SPOCK1: variants seen among roughly 807,000 people sequenced by gnomAD.
SPOCK1 encodes the protein SPARC (osteonectin), cwcv and kazal like domains proteoglycan 1, also known as testican-1.
In SPOCK1, 23 loss-of-function variants were observed where a neutral mutation model predicts 55.3. The ratio of observed to expected loss-of-function variants is 0.42; its 90% CI spans 0.30 to 0.59. SPOCK1 has a LOEUF of 0.59. Ranked by LOEUF, SPOCK1 falls within the 20% of genes least tolerant of loss-of-function variation. The pLI is 0.22. For missense variants in SPOCK1, 499 were observed against 552.5 expected, an observed-to-expected ratio of 0.90 and a Z score of 0.97; for synonymous variants, 226 against 221.0, an observed-to-expected ratio of 1.02 and a Z score of -0.20.
intron 3 of SPOCK1, among the ~76,000 whole-genome samples, chr5:137,193,532 G>A (rs1332285909): frequency 1.3e-5 from 2 of 152,168 alleles, no homozygotes; most frequent in Admixed American, 6.5e-5. Context: ...CAAATTAAGT[G>A]AGATACAGAA....
intron 5 of SPOCK1, among the ~76,000 whole-genome samples, chr5:137,111,205 C>G (rs1328743098): frequency 6.6e-6 from 1 of 151,996 alleles, no homozygotes; most frequent in Non-Finnish European, 1.5e-5. Flanking sequence ...TCACAGAGAA[C>G]AGAAGTGGCC....
intron 4 of SPOCK1, among the ~76,000 whole-genome samples, chr5:137,133,247 G>T (rs1002746689): frequency 3.3e-5 from 5 of 151,880 alleles, no homozygotes; most frequent in Non-Finnish European, 7.4e-5. Flanking sequence ...GCATGCACCT[G>T]TAGTCCCAGC....
intron 4 of SPOCK1, among the ~76,000 whole-genome samples, chr5:137,131,480 T>C (rs530000319): frequency 1.8e-3 from 275 of 151,928 alleles, no homozygotes; most frequent in African/African-American, 6.3e-3. Flanking sequence ...TGGTGGCACA[T>C]GCCTGTAGTT....
intron 5 of SPOCK1, among the ~76,000 whole-genome samples, chr5:137,104,555 A>G (rs1306950832): frequency 6.6e-6 from 1 of 152,194 alleles, no homozygotes; most frequent in Non-Finnish European, 1.5e-5. Flanking sequence ...TCTGTTAGGA[A>G]CCGGCCCACA....
intron 5 of SPOCK1, among the ~76,000 whole-genome samples, chr5:137,082,505 C>T (rs187133595): frequency 5.4e-4 from 82 of 152,232 alleles, no homozygotes; most frequent in African/African-American, 1.6e-3. Context: ...GTGATACAGA[C>T]GCAGGCATTC....
At chr5:137,230,779 G>C (rs1756037472) in intron 3 of SPOCK1, among the ~76,000 whole-genome samples, 1 of 116,312 alleles carries the variant, frequency 8.6e-6, no homozygotes, top group Non-Finnish European at 1.8e-5. Context: ...ATATGCAGTT[G>C]TAAGAAATAA....
rs996605491 is a variant in SPOCK1 at position 137,027,287 on chromosome 5, G to A, written c.590-34687C>T. ...ACACAGATAGTGCCTTCAGAGAAAA[G>A]TAGGCCCCAATTTATACAAATAATA... On this transcript the variant is annotated intron_variant, in intron 6 of 10. Coordinates refer to ENST00000394945, the MANE Select transcript of SPOCK1 (RefSeq NM_004598.4). Among the ~76,000 whole-genome samples the A allele has an allele frequency of 3.9e-4, 60 of 152,168 alleles. 2 individuals are homozygous for A. Among genetic ancestry groups the A allele is most frequent in the Admixed American group, 1.9e-3 (29 of 15,264 alleles).
chr5:137,485,078 G>C (rs556983728), intron 2 of SPOCK1, among the ~76,000 whole-genome samples: 1 of 152,224 alleles, frequency 6.6e-6, no homozygotes, highest in South Asian at 2.1e-4. Flanking sequence ...AGTGCATTTT[G>C]GAGGGAATAA....
At chr5:137,079,393 T>C (rs1752832023) in intron 5 of SPOCK1, among the ~76,000 whole-genome samples, 1 of 149,682 alleles carries the variant, frequency 6.7e-6, no homozygotes, top group Admixed American at 6.7e-5. Context: ...TCTGTTGTCA[T>C]CTCCAATGCA....
rs114629286 is a variant in SPOCK1 at position 137,366,979 on chromosome 5, A to G, written c.187-99924T>C. On this transcript the variant is annotated intron_variant, in intron 2 of 10. Coordinates refer to ENST00000394945, the MANE Select transcript of SPOCK1 (RefSeq NM_004598.4). ...AGGCCTTAGACTGCTTCAATTGCTGAGCCAGAGATGAGGAGACAGAGTGCA... is the reference window on the plus strand; with the variant it reads ...AGGCCTTAGACTGCTTCAATTGCTGGGCCAGAGATGAGGAGACAGAGTGCA... 3.5e-3 allele frequency among the ~76,000 whole-genome samples: 534 copies of G among 152,364 alleles called. 2 individuals carry two copies. The highest frequency in any genetic ancestry group is 0.012 in the African/African-American group (500 of 41,590).
chr5:137,254,562 T>A (rs1756598315), intron 3 of SPOCK1, among the ~76,000 whole-genome samples: 9 of 152,224 alleles, frequency 5.9e-5, no homozygotes, highest in Admixed American at 5.9e-4. Context: ...CACATCAGCA[T>A]CCATACGCGT....
intron 5 of SPOCK1, among the ~76,000 whole-genome samples, chr5:137,077,109 AG>A (rs1369921160): frequency 6.6e-6 from 1 of 152,178 alleles, no homozygotes; most frequent in Admixed American, 6.5e-5. Context: ...TATTTTTAGT[AG>A]AGACGGGGTT....
chr5:137,483,249 C>T (rs1428794916), intron 2 of SPOCK1, among the ~76,000 whole-genome samples: 1 of 152,178 alleles, frequency 6.6e-6, no homozygotes, highest in East Asian at 1.9e-4. Flanking sequence ...AGAAGAATCA[C>T]TTGAACCTGG....
chr5:137,432,839 T>G (rs1250349366), intron 2 of SPOCK1, among the ~76,000 whole-genome samples: 2 of 152,242 alleles, frequency 1.3e-5, no homozygotes, highest in African/African-American at 2.4e-5. Flanking sequence ...ATCATCTTAC[T>G]GAGTTTTCAG....
chr5:137,378,106 G>A lies in SPOCK1; in HGVS notation c.187-111051C>T, dbSNP rs536945309. Among the ~76,000 whole-genome samples, 61 of 152,090 alleles carry A rather than the reference G, an allele frequency of 4.0e-4. 1 individual carries two copies. Among genetic ancestry groups the A allele is most frequent in the African/African-American group, 1.3e-3 (55 of 41,500 alleles). Reference sequence around the variant, plus strand: ...ATTACAGGCATGCACCACCACATCCGGCTACTTTTGTATTTTTAGTAGAAA... The same window carrying A: ...ATTACAGGCATGCACCACCACATCCAGCTACTTTTGTATTTTTAGTAGAAA... On this transcript the variant is annotated intron_variant, in intron 2 of 10. Coordinates refer to ENST00000394945, the MANE Select transcript of SPOCK1 (RefSeq NM_004598.4).
chr5:137,113,198 C>G (rs1753508589), intron 4 of SPOCK1, among the ~76,000 whole-genome samples: 1 of 152,188 alleles, frequency 6.6e-6, no homozygotes, highest in South Asian at 2.1e-4. Context: ...TCAAGTTTTT[C>G]CCCATTCTAA....
intron 2 of SPOCK1, among the ~76,000 whole-genome samples, chr5:137,415,277 C>G (rs184043649): frequency 2.1e-4 from 32 of 152,268 alleles, no homozygotes; most frequent in African/African-American, 7.7e-4. Flanking sequence ...TACAAGCACA[C>G]AAATATTTGT....
At chr5:137,285,612 A>G (rs990797824) in intron 2 of SPOCK1, among the ~76,000 whole-genome samples, 1 of 152,248 alleles carries the variant, frequency 6.6e-6, no homozygotes, top group African/African-American at 2.4e-5. Flanking sequence ...AACTATTAGC[A>G]CAGAAGGTCC....
chr5:137,292,613 C>T (rs1302336567), intron 2 of SPOCK1, among the ~76,000 whole-genome samples: 1 of 152,150 alleles, frequency 6.6e-6, no homozygotes, highest in Non-Finnish European at 1.5e-5. Flanking sequence ...GCATAGCCAG[C>T]TAGTCTTCTG....
Sources: gnomAD v4.1 joint callset for allele counts (sites outside exome capture counted in the v4.1 genomes callset) on GRCh38, gnomAD v4.1.1 for gene constraint, MANE v1.5 for transcripts, NCBI Gene and HGNC (gene_info 2026-07-23, HGNC 2026-07-21) for gene names.